The following ADK variants were observed in gnomAD, a reference collection of about 807,000 sequenced individuals.
ADK encodes the protein N6,N6-dimethyladenosine kinase.
Under a neutral mutation model 44.7 loss-of-function variants are expected in ADK, and 24 were observed. That is an observed-to-expected ratio of 0.54 (90% CI 0.39 to 0.76). The LOEUF is 0.76. Ranked by LOEUF, ADK falls within the 30% of genes least tolerant of loss-of-function variation. The pLI, the probability that ADK is intolerant of heterozygous loss-of-function variation, is 0.00. For missense variants in ADK, 321 were observed against 425.1 expected, an observed-to-expected ratio of 0.76 and a Z score of 2.15; for synonymous variants, 128 against 142.6, an observed-to-expected ratio of 0.90 and a Z score of 0.73.
chr10:74,536,684 C>T (rs1170670556), intron 7 of ADK, among the ~76,000 whole-genome samples: 1 of 151,810 alleles, frequency 6.6e-6, no homozygotes, highest in Admixed American at 6.6e-5. Context: ...CCTTCCTCCT[C>T]ACCCTTGGTA....
At position 74,321,547 on chromosome 10, in the gene ADK, C is replaced by T. The variant is rs946427482; in HGVS notation, c.273+6802C>T. Among the ~76,000 whole-genome samples, 15 of 152,118 alleles carry T rather than the reference C, an allele frequency of 9.9e-5. 1 individual carries two copies. The highest frequency in any genetic ancestry group is 3.6e-4 in the African/African-American group (15 of 41,438). ...GATCCTCAAGACATTAGCTTGGTCT[C>T]TTCTCAAATTAGCAGATCCTTATTT... On this transcript the variant is annotated intron_variant, in intron 4 of 10. Coordinates refer to ENST00000539909, the MANE Select transcript of ADK (RefSeq NM_006721.4).
At position 74,567,681 on chromosome 10, in the gene ADK, G is replaced by GT. The variant is rs201299444; in HGVS notation, c.727-21593dup. Among the ~76,000 whole-genome samples the GT allele has an allele frequency of 4.7e-3, 604 of 129,590 alleles. 1 individual carries two copies. Among genetic ancestry groups the GT allele is most frequent in the Non-Finnish European group, 6.1e-3 (388 of 63,232 alleles). 85.0% of individuals were successfully genotyped at this position (129,590 alleles called of 152,430 possible). A position where few individuals can be genotyped will look rare whatever the true frequency, so the allele number is the denominator to read the frequency against. ...CATTTCTTTTGTTCTCTCTCTCTCTGTTTTTTTTGTTTTTTTTGTTTTTTT... is the reference window on the plus strand; with the variant it reads ...CATTTCTTTTGTTCTCTCTCTCTCTGTTTTTTTTTGTTTTTTTTGTTTTTTT... On this transcript the variant is annotated intron_variant, in intron 7 of 10. Coordinates refer to ENST00000539909, the MANE Select transcript of ADK (RefSeq NM_006721.4).
At chr10:74,172,837 C>T (rs1454106430) in intron 1 of ADK, among the ~76,000 whole-genome samples, 1 of 148,222 alleles carries the variant, frequency 6.7e-6, no homozygotes. Context: ...ACCCGGGAGG[C>T]AGAGGTTGCA....
At chr10:74,210,478 A>G (rs1843775250) in intron 2 of ADK, among the ~76,000 whole-genome samples, 1 of 152,102 alleles carries the variant, frequency 6.6e-6, no homozygotes, top group Non-Finnish European at 1.5e-5. Context: ...GAAAGATGTT[A>G]CTTAATGTTC....
chr10:74,361,866 C>A (rs1223159657), intron 4 of ADK, among the ~76,000 whole-genome samples: 1 of 152,230 alleles, frequency 6.6e-6, no homozygotes, highest in Admixed American at 6.5e-5. Flanking sequence ...TCTCCACCAG[C>A]ATTCCAAATA....
At chr10:74,259,948 GT>G (rs907073982) in intron 3 of ADK, among the ~76,000 whole-genome samples, 9 of 151,942 alleles carry the variant, frequency 5.9e-5, no homozygotes, top group Admixed American at 1.3e-4. Context: ...GATATTCTAA[GT>G]TTTGAAGACT....
chr10:74,395,198 CCTTT>C (rs1392358590), intron 5 of ADK, among the ~76,000 whole-genome samples: 10 of 152,260 alleles, frequency 6.6e-5, no homozygotes, highest in East Asian at 1.9e-4. Flanking sequence ...TTCCCTATCT[CCTTT>C]CTTTTCCCAT....
intron 1 of ADK, among the ~76,000 whole-genome samples, chr10:74,154,791 T>C (rs1295164959): frequency 1.3e-5 from 2 of 152,232 alleles, no homozygotes; most frequent in Non-Finnish European, 1.5e-5. Flanking sequence ...TCTTTCCTTT[T>C]CCATTCCTGC....
chr10:74,668,235 A>G (rs576340269), intron 9 of ADK, among the ~76,000 whole-genome samples: 13 of 152,128 alleles, frequency 8.5e-5, no homozygotes, highest in Non-Finnish European at 1.5e-4. Context: ...TTTATGGTAC[A>G]GACCTTTTCC....
chr10:74,196,975 C>T (rs1843177469), intron 1 of ADK, among the ~76,000 whole-genome samples: 1 of 152,164 alleles, frequency 6.6e-6, no homozygotes, highest in Admixed American at 6.5e-5. Flanking sequence ...CCAAGGCAGC[C>T]ACATTGAAGC....
chr10:74,238,857 T>C (rs1030541251), intron 3 of ADK, among the ~76,000 whole-genome samples: 5 of 19,670 alleles, frequency 2.5e-4, no homozygotes, highest in African/African-American at 9.0e-4. Flanking sequence ...TAGCTAGTGC[T>C]TTTTTTTTTT....
Position 74,215,820 on chromosome 10 carries a change from T to G in ADK, c.141-8718T>G, listed in dbSNP as rs945359339. Among the ~76,000 whole-genome samples the G allele has an allele frequency of 9.4e-4, 60 of 64,002 alleles. 1 individual carries two copies. Among genetic ancestry groups the G allele is most frequent in the Admixed American group, 7.0e-3 (49 of 6,976 alleles). 42.0% of individuals were successfully genotyped at this position (64,002 alleles called of 152,430 possible). ...AGCTGGGACTACAATGCCTGGCTAA[T>G]TTTTTTGTATTTTTTTTAGTAGAGA... On this transcript the variant is annotated intron_variant, in intron 2 of 10. Transcript: ENST00000539909.
intron 3 of ADK, among the ~76,000 whole-genome samples, chr10:74,250,545 T>A (rs1169531254): frequency 6.6e-6 from 1 of 152,180 alleles, no homozygotes. Context: ...TACAGTTAGT[T>A]GGGGACCTGT....
At chr10:74,217,155 C>A (rs534095182) in intron 2 of ADK, among the ~76,000 whole-genome samples, 2 of 152,238 alleles carry the variant, frequency 1.3e-5, no homozygotes, top group Non-Finnish European at 2.9e-5. Flanking sequence ...AAAATCGGGT[C>A]ATTCCCACCC....
At chr10:74,619,336 T>G (rs1852894437) in intron 9 of ADK, among the ~76,000 whole-genome samples, 1 of 151,894 alleles carries the variant, frequency 6.6e-6, no homozygotes, top group Admixed American at 6.6e-5. Context: ...GTGCCTGTAC[T>G]CCCAGCTACT....
chr10:74,416,297 C>T (rs1447771550), intron 6 of ADK, among the ~76,000 whole-genome samples: 1 of 151,964 alleles, frequency 6.6e-6, no homozygotes, highest in Non-Finnish European at 1.5e-5. Context: ...ATTGGTTTCT[C>T]ATCTATATAA....
At chr10:74,302,089 T>TGG (rs11427369) in intron 3 of ADK, among the ~76,000 whole-genome samples, 2 of 53,828 alleles carry the variant, frequency 3.7e-5, no homozygotes, top group African/African-American at 1.6e-4. Context: ...TTTTCTTTTC[T>TGG]GTTTTTTTTT....
chr10:74,241,638 G>A (rs1591918537), intron 3 of ADK, among the ~76,000 whole-genome samples: 1 of 152,070 alleles, frequency 6.6e-6, no homozygotes, highest in South Asian at 2.1e-4. Flanking sequence ...CACCCGCCTC[G>A]GCCTCCCAAA....
intron 6 of ADK, among the ~76,000 whole-genome samples, chr10:74,416,933 T>C (rs1368582228): frequency 6.6e-6 from 1 of 152,058 alleles, no homozygotes; most frequent in Non-Finnish European, 1.5e-5. Context: ...AATAATATAT[T>C]TTTCACAGGT....
Sources: gnomAD v4.1 joint callset for allele counts (sites outside exome capture counted in the v4.1 genomes callset) on GRCh38, gnomAD v4.1.1 for gene constraint, MANE v1.5 for transcripts, NCBI Gene and HGNC (gene_info 2026-07-23, HGNC 2026-07-21) for gene names.